The following AFF1 variants were observed in gnomAD, a reference collection of about 807,000 sequenced individuals.
AFF1 encodes AF4/FMR2 family member 1.
In AFF1, 48 loss-of-function variants were observed where a neutral mutation model predicts 121.7. The ratio of observed to expected loss-of-function variants is 0.39; its 90% CI spans 0.31 to 0.50. The LOEUF (loss-of-function observed/expected upper bound fraction) is 0.50. AFF1 is among the 20% of genes least tolerant of loss of function. The pLI, the probability that AFF1 is intolerant of heterozygous loss-of-function variation, is 0.76. For synonymous variants in AFF1, 613 were observed against 563.0 expected (o/e 1.09, Z -1.26); for missense variants, 1,523 against 1,511.7 (o/e 1.01, Z -0.12).
At chr4:86,955,045 C>A (rs758608606) in intron 2 of AFF1, among the ~76,000 whole-genome samples, 1 of 151,908 alleles carries the variant, frequency 6.6e-6, no homozygotes, top group African/African-American at 2.4e-5. Context: ...CCTTTTTGTT[C>A]CACCTTGTGA....
chr4:87,082,494 T>G (rs1489223484), intron 4 of AFF1, among the ~76,000 whole-genome samples: 1 of 152,210 alleles, frequency 6.6e-6, no homozygotes, highest in Non-Finnish European at 1.5e-5. Context: ...TCCAGGAAAT[T>G]TACATGTTTT....
intron 2 of AFF1, among the ~76,000 whole-genome samples, chr4:86,951,280 C>T (rs1405205137): frequency 6.6e-6 from 1 of 151,998 alleles, no homozygotes; most frequent in Non-Finnish European, 1.5e-5. Context: ...TGTTGATTCC[C>T]CGCCCCCCAG....
chr4:87,043,715 A>G (rs1730384330), intron 2 of AFF1, among the ~76,000 whole-genome samples: 1 of 152,174 alleles, frequency 6.6e-6, no homozygotes, highest in South Asian at 2.1e-4. Context: ...TAAATTATTA[A>G]CTTTGTGGTT....
intron 2 of AFF1, among the ~76,000 whole-genome samples, chr4:86,960,020 A>G (rs565169250): frequency 7.4e-4 from 113 of 152,254 alleles, no homozygotes; most frequent in African/African-American, 2.6e-3. Context: ...CTCTTTTCAC[A>G]TCAAAGTGTA....
intron 7 of AFF1, among the ~76,000 whole-genome samples, chr4:87,092,631 A>ACT (rs1481068395): frequency 6.6e-6 from 1 of 152,118 alleles, no homozygotes; most frequent in Non-Finnish European, 1.5e-5. Context: ...AGTATTCTAC[A>ACT]AAGTATAGCA....
intron 4 of AFF1, among the ~76,000 whole-genome samples, chr4:87,063,855 A>G (rs539360023): frequency 2.6e-5 from 4 of 152,350 alleles, no homozygotes; most frequent in African/African-American, 2.4e-5. Context: ...TCCATCTTCA[A>G]GTAGTCTGTA....
intron 4 of AFF1, among the ~76,000 whole-genome samples, chr4:87,057,608 A>G (rs1720284562): frequency 6.6e-6 from 1 of 152,100 alleles, no homozygotes; most frequent in East Asian, 1.9e-4. Context: ...AAGAATTTGG[A>G]CAGAGGGTTA....
chr4:87,126,319 A>T lies in AFF1; in HGVS notation c.2794A>T (p.Ser932Cys). ...AAGAGTAGAGGGGAAGGGCTCCAGAAGCTCCTCGGAGCACAAGGTGAGCAG... is the reference window on the plus strand; with the variant it reads ...AAGAGTAGAGGGGAAGGGCTCCAGATGCTCCTCGGAGCACAAGGTGAGCAG... ...QRRVEGKGSR[S>C]SSEHKGSSGD... Residue 932 changes from serine to cysteine, a missense_variant, in exon 14 of 21, where the codon AGC becomes TGC. Transcript: ENST00000395146. 1 of 1,614,116 alleles carries T rather than the reference A, an allele frequency of 6.2e-7. No individual in the cohort carries two copies. The highest frequency in any genetic ancestry group is 8.5e-7 in the Non-Finnish European group (1 of 1,179,986).
At chr4:87,022,592 A>ATATATCTC (rs1465084690) in intron 2 of AFF1, among the ~76,000 whole-genome samples, 3 of 99,846 alleles carry the variant, frequency 3.0e-5, no homozygotes, top group South Asian at 3.1e-4. Flanking sequence ...ATCTATCTAT[A>ATATATCTC]TCTATCTGTG....
intron 2 of AFF1, among the ~76,000 whole-genome samples, chr4:87,014,307 G>A (rs1727095590): frequency 6.6e-6 from 1 of 152,208 alleles, no homozygotes; most frequent in Admixed American, 6.5e-5. Flanking sequence ...ACACAGCCCA[G>A]TTTACCAGGT....
chr4:87,076,565 TACTTTATTTTTAGGAAA>T (rs1322979782), intron 4 of AFF1, among the ~76,000 whole-genome samples: 5 of 152,362 alleles, frequency 3.3e-5, no homozygotes, highest in Admixed American at 2.6e-4. Context: ...AATGTAATAA[TACTTTATTTTTAGGAAA>T]GCTGTTCAGA....
intron 4 of AFF1, among the ~76,000 whole-genome samples, chr4:87,049,058 G>A (rs1450867262): frequency 7.7e-6 from 1 of 129,838 alleles, no homozygotes; most frequent in Non-Finnish European, 1.6e-5. Context: ...ATCAAATAGG[G>A]TTAGCTGTAT....
chr4:87,089,929 A>G, intron 5 of AFF1, 55 bp from the exon 6 acceptor site: 1 of 1,296,606 alleles, frequency 7.7e-7, no homozygotes, highest in Non-Finnish European at 1.1e-6. Context: ...GTTAAGTAGC[A>G]ATGAATGTTC....
rs549562392 is a variant in AFF1, at chr4:87,021,940, C to T, written c.39-24226C>T. ...ATGCTAGGGCGGGCGCAGTGGCACG[C>T]GCCTGTAATCTCAGCACTTTGGGAG... On this transcript the variant is annotated intron_variant, in intron 2 of 20. Coordinates refer to ENST00000395146, the MANE Select transcript of AFF1 (RefSeq NM_001166693.3). Among the ~76,000 whole-genome samples the T allele has an allele frequency of 2.9e-3, 439 of 152,274 alleles. 3 individuals are homozygous for T. Among genetic ancestry groups the T allele is most frequent in the Non-Finnish European group, 4.4e-3 (296 of 68,028 alleles).
At chr4:86,999,553 G>A (rs1321005303) in intron 2 of AFF1, among the ~76,000 whole-genome samples, 1 of 152,192 alleles carries the variant, frequency 6.6e-6, no homozygotes, top group Non-Finnish European at 1.5e-5. Context: ...CCAGGAAAGT[G>A]TTTTGGGGCA....
chr4:87,044,182 C>A (rs1266422715), intron 2 of AFF1, among the ~76,000 whole-genome samples: 5 of 152,140 alleles, frequency 3.3e-5, no homozygotes, highest in Non-Finnish European at 7.4e-5. Flanking sequence ...TCCATACATC[C>A]TACTCCCATA....
At chr4:86,960,332 G>T (rs535174548) in intron 2 of AFF1, among the ~76,000 whole-genome samples, 4 of 152,264 alleles carry the variant, frequency 2.6e-5, no homozygotes, top group Non-Finnish European at 5.9e-5. Context: ...AGTGCAGTGG[G>T]TTCCGCTGCG....
chr4:87,100,021 TACTTTGA>T (rs1416969743), intron 8 of AFF1, among the ~76,000 whole-genome samples: 1 of 152,180 alleles, frequency 6.6e-6, no homozygotes, highest in African/African-American at 2.4e-5. Context: ...TTTAAGTGAT[TACTTTGA>T]AAGAGCTCAT....
At chr4:86,943,695 C>T (rs934870965) in intron 1 of AFF1, among the ~76,000 whole-genome samples, 3 of 151,980 alleles carry the variant, frequency 2.0e-5, no homozygotes, top group African/African-American at 4.8e-5. Context: ...TGCAGTGGCT[C>T]ATTCCTGTAA....
Sources: allele counts gnomAD v4.1 joint callset (sites outside exome capture counted in the v4.1 genomes callset), GRCh38; gene constraint gnomAD v4.1.1; transcripts MANE v1.5; gene names NCBI Gene and HGNC (gene_info 2026-07-23, HGNC 2026-07-21).